HHAT: variants seen among roughly 807,000 people sequenced by gnomAD.
HHAT encodes the protein protein-cysteine N-palmitoyltransferase HHAT.
A neutral mutation model predicts 70.8 loss-of-function variants in HHAT; 47 were observed. The observed-to-expected ratio is 0.66, with a 90% CI of 0.53 to 0.85. The LOEUF (loss-of-function observed/expected upper bound fraction) is 0.85, where lower values mean the gene tolerates loss of function less well. Among genes scored for constraint, HHAT ranks in the 40% least tolerant of loss-of-function variants. HHAT has a pLI of 0.00. For synonymous variants in HHAT, 228 were observed against 247.6 expected (o/e 0.92, Z 0.74); for missense variants, 609 against 604.8 (o/e 1.01, Z -0.07).
intron 9 of HHAT, among the ~76,000 whole-genome samples, chr1:210,569,245 G>C (rs975303712): frequency 1.3e-5 from 2 of 151,656 alleles, no homozygotes; most frequent in Admixed American, 6.6e-5. Context: ...GCAGTGGCGG[G>C]CACCTGTAAC....
At chr1:210,625,340 G>A (rs961478418) in intron 11 of HHAT, among the ~76,000 whole-genome samples, 4 of 152,134 alleles carry the variant, frequency 2.6e-5, no homozygotes, top group Non-Finnish European at 4.4e-5. Context: ...GGGAAAGTGC[G>A]GACTTGGTTT....
At chr1:210,550,868 A>T (rs1381693502) in intron 9 of HHAT, among the ~76,000 whole-genome samples, 1 of 147,860 alleles carries the variant, frequency 6.8e-6, no homozygotes, top group African/African-American at 2.5e-5. Context: ...GGGTTTCACC[A>T]TGTTGGCCAG....
intron 8 of HHAT, among the ~76,000 whole-genome samples, chr1:210,487,805 AG>A (rs2094495323): frequency 6.6e-6 from 1 of 152,224 alleles, no homozygotes; most frequent in Non-Finnish European, 1.5e-5. Flanking sequence ...AATGTTCATT[AG>A]TAAAGGCATC....
intron 9 of HHAT, among the ~76,000 whole-genome samples, chr1:210,565,134 C>T (rs1207640923): frequency 1.3e-5 from 2 of 152,068 alleles, no homozygotes. Context: ...CAGAGTTAGC[C>T]TTAGTCGTGG....
intron 9 of HHAT, among the ~76,000 whole-genome samples, chr1:210,533,209 G>C (rs1383214211): frequency 1.3e-5 from 2 of 150,904 alleles, no homozygotes; most frequent in East Asian, 3.9e-4. Flanking sequence ...GGCCAGGAGT[G>C]ATAAGTGGGT....
chr1:210,365,198 A>G (rs1033643915), intron 3 of HHAT, among the ~76,000 whole-genome samples: 14 of 151,776 alleles, frequency 9.2e-5, no homozygotes. Flanking sequence ...AAAAGAAGAT[A>G]TTAGATGTGA....
At chr1:210,620,156 G>A (rs576956862) in intron 10 of HHAT, among the ~76,000 whole-genome samples, 2 of 152,368 alleles carry the variant, frequency 1.3e-5, no homozygotes, top group African/African-American at 4.8e-5. Context: ...AGCCTTTAAA[G>A]TGGAGGCTTT....
chr1:210,425,062 C>T (rs1283985784), intron 7 of HHAT, among the ~76,000 whole-genome samples: 1 of 152,176 alleles, frequency 6.6e-6, no homozygotes, highest in Non-Finnish European at 1.5e-5. Context: ...GAGATAGGAT[C>T]TCATTGTGGT....
At chr1:210,531,012 C>T (rs2148633370) in intron 9 of HHAT, among the ~76,000 whole-genome samples, 1 of 152,310 alleles carries the variant, frequency 6.6e-6, no homozygotes, top group South Asian at 2.1e-4. Context: ...CATCATTGTG[C>T]AACATCGTAG....
At chr1:210,580,507 C>CA (rs2148765551) in intron 9 of HHAT, among the ~76,000 whole-genome samples, 2 of 120,218 alleles carry the variant, frequency 1.7e-5, no homozygotes, top group South Asian at 6.6e-4. Context: ...CACCCCCCAG[C>CA]AGGCCCTGGT....
At chr1:210,405,258 A>G (rs2092282393) in intron 6 of HHAT, among the ~76,000 whole-genome samples, 1 of 152,002 alleles carries the variant, frequency 6.6e-6, no homozygotes, top group Non-Finnish European at 1.5e-5. Context: ...CTCGGACGGC[A>G]TCCTTGTCTG....
chr1:210,328,702 G>T (rs72743499), upstream of HHAT, among the ~76,000 whole-genome samples: 1,476 of 152,366 alleles, frequency 9.7e-3, 15 homozygotes, highest in Non-Finnish European at 0.017. Flanking sequence ...ACACACGGGT[G>T]GGGGAGAGAT....
intron 9 of HHAT, among the ~76,000 whole-genome samples, chr1:210,526,777 G>A (rs1219634975): frequency 6.6e-6 from 1 of 152,160 alleles, no homozygotes; most frequent in Non-Finnish European, 1.5e-5. Context: ...GTCTAGATAT[G>A]TGCCAGCCAA....
chr1:210,651,972 T>TA (rs1256710254), intron 11 of HHAT, among the ~76,000 whole-genome samples: 1 of 152,166 alleles, frequency 6.6e-6, no homozygotes, highest in Non-Finnish European at 1.5e-5. Flanking sequence ...TGGCTGAGGC[T>TA]AATTCATCAT....
intron 9 of HHAT, among the ~76,000 whole-genome samples, chr1:210,578,432 A>G (rs1159826110): frequency 2.0e-5 from 3 of 152,214 alleles, no homozygotes; most frequent in Admixed American, 2.0e-4. Flanking sequence ...CCTTAAAAAA[A>G]TAAAAAAGAG....
At chr1:210,650,984 G>A (rs1470469202) in intron 11 of HHAT, among the ~76,000 whole-genome samples, 17 of 152,272 alleles carry the variant, frequency 1.1e-4, no homozygotes, top group Non-Finnish European at 4.4e-5. Context: ...TAAATATATT[G>A]GAAAGCTGTA....
At chr1:210,441,089 G>C (rs773567233) in intron 7 of HHAT, among the ~76,000 whole-genome samples, 1 of 152,186 alleles carries the variant, frequency 6.6e-6, no homozygotes, top group Non-Finnish European at 1.5e-5. Flanking sequence ...TAGCCACTGC[G>C]TGCTGCCACT....
At chr1:210,439,994 T>C (rs181001469) in intron 7 of HHAT, among the ~76,000 whole-genome samples, 3 of 151,862 alleles carry the variant, frequency 2.0e-5, no homozygotes, top group Non-Finnish European at 4.4e-5. Context: ...ACTTCTGGGG[T>C]TTTTTGTTTA....
At chr1:210,487,764 G>C (rs2094494775) in intron 8 of HHAT, among the ~76,000 whole-genome samples, 1 of 152,128 alleles carries the variant, frequency 6.6e-6, no homozygotes, top group South Asian at 2.1e-4. Flanking sequence ...TTTTATAAAG[G>C]AAATTTACAT....
Sources: allele counts gnomAD v4.1 joint callset (sites outside exome capture counted in the v4.1 genomes callset), GRCh38; gene constraint gnomAD v4.1.1; transcripts MANE v1.5; gene names NCBI Gene and HGNC (gene_info 2026-07-23, HGNC 2026-07-21).